The following NBAS variants were observed in gnomAD, a reference collection of about 807,000 sequenced individuals.
NBAS encodes NBAS subunit of NRZ tethering complex, also known as NAG/BC035112 fusion.
Under a neutral mutation model 302.5 loss-of-function variants are expected in NBAS, and 219 were observed. That is an observed-to-expected ratio of 0.72 (90% CI 0.65 to 0.81). The LOEUF (loss-of-function observed/expected upper bound fraction) is 0.81. Among genes scored for constraint, NBAS ranks in the 30% least tolerant of loss-of-function variants. The pLI is 0.00. For synonymous variants in NBAS, 1,118 were observed against 1,021.6 expected, an observed-to-expected ratio of 1.09 and a Z score of -1.80; for missense variants, 2,932 against 2,841.6, an observed-to-expected ratio of 1.03 and a Z score of -0.72.
chr2:14,885,687 C>G, the NBAS span, among the ~76,000 whole-genome samples: 1 of 152,060 alleles, frequency 6.6e-6, no homozygotes, highest in Non-Finnish European at 1.5e-5. Flanking sequence ...GAGTGTTCTT[C>G]CATTTGAAGC....
intron 31 of NBAS, among the ~76,000 whole-genome samples, chr2:15,369,710 T>C (rs190215495): frequency 6.6e-6 from 1 of 152,354 alleles, no homozygotes; most frequent in African/African-American, 2.4e-5. Flanking sequence ...ATGAAAAAGA[T>C]AGGCATGTAC....
At chr2:15,194,116 GGA>G (rs1409936696) in intron 48 of NBAS, among the ~76,000 whole-genome samples, 1 of 151,920 alleles carries the variant, frequency 6.6e-6, no homozygotes, top group Non-Finnish European at 1.5e-5. Flanking sequence ...CACAAGAAAA[GGA>G]GAAAGAGCGT....
chr2:15,406,643 T>C (rs1197667218), intron 25 of NBAS, among the ~76,000 whole-genome samples: 1 of 152,020 alleles, frequency 6.6e-6, no homozygotes, highest in East Asian at 1.9e-4. Flanking sequence ...GAAATATTAA[T>C]ATATGCCACA....
At chr2:15,105,817 G>A in the NBAS span, among the ~76,000 whole-genome samples, 451 of 152,220 alleles carry the variant, frequency 3.0e-3, 1 homozygote, top group African/African-American at 0.01. Context: ...TGTCCAGATC[G>A]TATTTCTCCC....
chr2:15,143,529 G>C, the NBAS span, among the ~76,000 whole-genome samples: 1 of 152,164 alleles, frequency 6.6e-6, no homozygotes, highest in Non-Finnish European at 1.5e-5. Context: ...GAATGGACTG[G>C]ATGAATTCTC....
chr2:15,524,205 C>T lies in NBAS; in HGVS notation c.746+10338G>A, dbSNP rs73915352. Among the ~76,000 whole-genome samples, 956 of 152,232 alleles carry T rather than the reference C, an allele frequency of 6.3e-3. 13 individuals are homozygous for T. The highest frequency in any genetic ancestry group is 0.022 in the African/African-American group (900 of 41,556). ...ATTAAAAATATCTGTGCATGTAAAA[C>T]GTAAAGCCATCATGCTGCCCTATTC... On this transcript the variant is annotated intron_variant, in intron 9 of 51. Transcript: ENST00000281513.
chr2:15,495,055 A>G (rs1001674786), intron 11 of NBAS, among the ~76,000 whole-genome samples: 3 of 152,162 alleles, frequency 2.0e-5, no homozygotes. Context: ...TGCACAGAAA[A>G]TGGTGAGTAG....
intron 25 of NBAS, among the ~76,000 whole-genome samples, chr2:15,409,140 GTTC>G (rs768554163): frequency 7.2e-5 from 11 of 152,140 alleles, no homozygotes; most frequent in Non-Finnish European, 1.3e-4. Context: ...GGTATCCATT[GTTC>G]TTAAGAAGTC....
chr2:14,848,145 T>C, the NBAS span, among the ~76,000 whole-genome samples: 1 of 151,960 alleles, frequency 6.6e-6, no homozygotes, highest in African/African-American at 2.4e-5. Context: ...ACGGGTGATT[T>C]CTGCATTTCC....
At chr2:14,864,320 C>CAAAAAA in the NBAS span, among the ~76,000 whole-genome samples, 1 of 68,018 alleles carries the variant, frequency 1.5e-5, no homozygotes, top group African/African-American at 4.7e-5. Flanking sequence ...GGCTCCATCT[C>CAAAAAA]AAAAAAAAAA....
At chr2:14,894,478 T>C in the NBAS span, among the ~76,000 whole-genome samples, 8 of 152,226 alleles carry the variant, frequency 5.3e-5, no homozygotes, top group African/African-American at 1.7e-4. Flanking sequence ...ATATGAGTGC[T>C]AGATACCATG....
intron 32 of NBAS, among the ~76,000 whole-genome samples, chr2:15,357,028 C>G (rs1014571393): frequency 1.3e-5 from 2 of 152,190 alleles, no homozygotes; most frequent in African/African-American, 4.8e-5. Flanking sequence ...CTCTGGATAT[C>G]TGGTCATCCC....
Position 15,555,863 on chromosome 2 carries a change from T to G in NBAS, c.209+920A>C, listed in dbSNP as rs554530360. On this transcript the variant is annotated intron_variant, in intron 3 of 51. Coordinates refer to ENST00000281513, the MANE Select transcript of NBAS (RefSeq NM_015909.4). ...TCTCAATAAATAAAAAAAAGAATTATCAAGCAGCAACCTGAACAAGACAAG... is the reference window on the plus strand; with the variant it reads ...TCTCAATAAATAAAAAAAAGAATTAGCAAGCAGCAACCTGAACAAGACAAG... Among the ~76,000 whole-genome samples the G allele has an allele frequency of 5.3e-5, 8 of 152,222 alleles. No homozygotes were observed. In the South Asian group the frequency reaches 1.7e-3, roughly 32 times the overall value.
the NBAS span, among the ~76,000 whole-genome samples, chr2:14,868,426 G>A: frequency 2.6e-5 from 4 of 152,150 alleles, no homozygotes; most frequent in Non-Finnish European, 5.9e-5. Flanking sequence ...ACATCTACAT[G>A]TGGTTTACCA....
chr2:15,203,589 GA>G (rs1665981978), intron 48 of NBAS, among the ~76,000 whole-genome samples: 1 of 152,096 alleles, frequency 6.6e-6, no homozygotes, highest in Admixed American at 6.5e-5. Flanking sequence ...ATATAAAATA[GA>G]ATGACAAGAA....
At chr2:15,492,880 T>C (rs900061404) in intron 11 of NBAS, among the ~76,000 whole-genome samples, 1 of 152,228 alleles carries the variant, frequency 6.6e-6, no homozygotes, top group African/African-American at 2.4e-5. Flanking sequence ...AAATCCACGC[T>C]AAATTCTATG....
In NBAS at chr2:15,473,224, A is replaced by T. The variant is rs987926368; in HGVS notation, c.1723T>A (p.Leu575Met). 1.2e-6 allele frequency: 2 copies of T among 1,613,752 alleles called. No homozygotes were observed. The highest frequency in any genetic ancestry group is 2.7e-5 in the African/African-American group (2 of 74,916). Residue 575 changes from leucine to methionine, a missense_variant and splice_region_variant, in exon 16 of 52, where the codon TTG becomes ATG. By Grantham distance (15) the Leu-to-Met change is conservative. Transcript: ENST00000281513. ...AVNVASIQNY[L>M]SKIKKRSWVL... The stretch of plus-strand genomic sequence containing the variant: ...ATTACCAAAATATTTAAACATACCA[A>T]ATAATTCTGAATTGAAGCAACGTTG...
chr2:14,879,910 A>G, the NBAS span, among the ~76,000 whole-genome samples: 1 of 152,196 alleles, frequency 6.6e-6, no homozygotes, highest in Non-Finnish European at 1.5e-5. Flanking sequence ...GGAAAATGCC[A>G]GTAAAATGTC....
At chr2:15,497,745 A>G (rs1248037855) in intron 11 of NBAS, among the ~76,000 whole-genome samples, 1 of 152,194 alleles carries the variant, frequency 6.6e-6, no homozygotes, top group Non-Finnish European at 1.5e-5. Flanking sequence ...GAAAATACTC[A>G]TATTTTATAC....
Sources: allele counts gnomAD v4.1 joint callset (sites outside exome capture counted in the v4.1 genomes callset), GRCh38; gene constraint gnomAD v4.1.1; transcripts MANE v1.5; gene names NCBI Gene and HGNC (gene_info 2026-07-23, HGNC 2026-07-21).